Variants in CNTN5 observed in about 807,000 individuals in gnomAD.
The protein encoded by CNTN5 is contactin-5.
In CNTN5, 77 loss-of-function variants were observed where a neutral mutation model predicts 129.1. The ratio of observed to expected loss-of-function variants is 0.60; its 90% confidence interval spans 0.50 to 0.72. CNTN5 has a LOEUF of 0.72. Among genes scored for constraint, CNTN5 ranks in the 30% least tolerant of loss-of-function variants. The pLI, the probability that CNTN5 is intolerant of heterozygous loss-of-function variation, is 0.00. For synonymous variants in CNTN5, 509 were observed against 465.6 expected (o/e 1.09, Z -1.20); for missense variants, 1,478 against 1,328.8 (o/e 1.11, Z -1.75).
At chr11:99,789,647 T>C (rs1945667388) in intron 3 of CNTN5, among the ~76,000 whole-genome samples, 1 of 152,066 alleles carries the variant, frequency 6.6e-6, no homozygotes, top group South Asian at 2.1e-4. Flanking sequence ...TTTTAGAATA[T>C]GTTCTTTCAC....
intron 2 of CNTN5, among the ~76,000 whole-genome samples, chr11:99,546,676 ATGATGG>A (rs1450940290): frequency 6.6e-6 from 1 of 152,122 alleles, no homozygotes; most frequent in Non-Finnish European, 1.5e-5. Flanking sequence ...TTATTTATTT[ATGATGG>A]TGTTTTTAAT....
chr11:99,918,389 T>G (rs903275389), intron 7 of CNTN5, among the ~76,000 whole-genome samples: 1 of 152,170 alleles, frequency 6.6e-6, no homozygotes, highest in African/African-American at 2.4e-5. Context: ...TACAGACTGC[T>G]GTCAATTTAA....
At chr11:99,831,244 G>T (rs1015393507) in intron 4 of CNTN5, among the ~76,000 whole-genome samples, 4 of 152,080 alleles carry the variant, frequency 2.6e-5, no homozygotes, top group African/African-American at 9.7e-5. Flanking sequence ...CCATGCTTCA[G>T]GATTCAGCAA....
chr11:99,638,320 A>C (rs1199342327), intron 3 of CNTN5, among the ~76,000 whole-genome samples: 1 of 152,128 alleles, frequency 6.6e-6, no homozygotes, highest in Non-Finnish European at 1.5e-5. Flanking sequence ...AACATGTGGG[A>C]ATTCTGGGAG....
chr11:99,831,463 G>C (rs1947136675), intron 4 of CNTN5, among the ~76,000 whole-genome samples: 1 of 152,126 alleles, frequency 6.6e-6, no homozygotes, highest in Admixed American at 6.6e-5. Flanking sequence ...GAAGAATTTG[G>C]CCCTTTCTGT....
chr11:99,653,279 G>A (rs932424485), intron 3 of CNTN5, among the ~76,000 whole-genome samples: 3 of 151,874 alleles, frequency 2.0e-5, no homozygotes, highest in Admixed American at 1.3e-4. Flanking sequence ...CAAAATGCAT[G>A]GTACATTTAG....
chr11:99,088,400 G>C (rs1266749446), intron 1 of CNTN5, among the ~76,000 whole-genome samples: 1 of 152,258 alleles, frequency 6.6e-6, no homozygotes, highest in Non-Finnish European at 1.5e-5. Context: ...CTTCGGCCTT[G>C]AGATCAAGGC....
chr11:99,389,555 A>T (rs757298873), intron 2 of CNTN5, among the ~76,000 whole-genome samples: 2 of 152,208 alleles, frequency 1.3e-5, no homozygotes, highest in African/African-American at 2.4e-5. Context: ...CTTTATAGAT[A>T]AGAATCAGCA....
chr11:99,758,408 A>C (rs1208629156), intron 3 of CNTN5, among the ~76,000 whole-genome samples: 3 of 152,098 alleles, frequency 2.0e-5, no homozygotes, highest in Admixed American at 2.0e-4. Flanking sequence ...CATATAAAGC[A>C]TTATTAGGAA....
intron 21 of CNTN5, among the ~76,000 whole-genome samples, chr11:100,329,567 G>A (rs1284167387): frequency 6.6e-5 from 10 of 152,144 alleles, no homozygotes; most frequent in Non-Finnish European, 1.2e-4. Context: ...CCTTCACAGT[G>A]TCCACTTCAC....
intron 3 of CNTN5, among the ~76,000 whole-genome samples, chr11:99,814,257 G>T (rs78480383): frequency 6.6e-6 from 1 of 152,186 alleles, no homozygotes; most frequent in East Asian, 1.9e-4. Context: ...GAGTGTATGC[G>T]TGTACAGGCA....
At chr11:100,021,732 G>C (rs1941161459) in intron 9 of CNTN5, among the ~76,000 whole-genome samples, 1 of 152,174 alleles carries the variant, frequency 6.6e-6, no homozygotes, top group Non-Finnish European at 1.5e-5. Flanking sequence ...AAGTCCCACA[G>C]TAGGCCATCT....
intron 15 of CNTN5, among the ~76,000 whole-genome samples, chr11:100,208,721 A>G (rs1948963465): frequency 6.6e-6 from 1 of 152,144 alleles, no homozygotes; most frequent in Admixed American, 6.5e-5. Flanking sequence ...GAATCCACAG[A>G]AGTCTCATTC....
chr11:100,072,716 A>G (rs1030448681), intron 12 of CNTN5, among the ~76,000 whole-genome samples: 4 of 152,294 alleles, frequency 2.6e-5, no homozygotes, highest in African/African-American at 7.2e-5. Context: ...TACATCCTAA[A>G]GTGATTTGTT....
Position 99,978,425 on chromosome 11 carries a change from T to G in CNTN5, c.877+21416T>G, listed in dbSNP as rs186916632. Among the ~76,000 whole-genome samples, 19 of 152,338 alleles carry G rather than the reference T, an allele frequency of 1.2e-4. No homozygotes were observed. In the East Asian group the frequency reaches 3.5e-3, roughly 28 times the overall value. ...GTACAGTAGTGTCCTAGGCTTCACA[T>G]CCGCTCACCACTCACTCACTGGCTC... On this transcript the variant is annotated intron_variant, in intron 8 of 24. Transcript: ENST00000524871.
chr11:99,446,020 G>T (rs1165588918), intron 2 of CNTN5, among the ~76,000 whole-genome samples: 3 of 150,158 alleles, frequency 2.0e-5, no homozygotes, highest in Non-Finnish European at 4.4e-5. Flanking sequence ...GGAGGCGGAG[G>T]TTGCAGTGAG....
At chr11:100,299,031 C>G in intron 19 of CNTN5, 131 bp from the exon 20 acceptor site, 1 of 583,226 alleles carries the variant, frequency 1.7e-6, no homozygotes, top group Non-Finnish European at 2.9e-6. Context: ...ATTTTGGCTT[C>G]CAATGTAGTA....
intron 8 of CNTN5, among the ~76,000 whole-genome samples, chr11:99,991,415 C>T (rs981065843): frequency 3.3e-5 from 5 of 152,056 alleles, no homozygotes; most frequent in East Asian, 3.9e-4. Context: ...TGCAGTGAGC[C>T]GAGATTGCAC....
At chr11:99,839,271 T>G (rs1002579647) in intron 4 of CNTN5, among the ~76,000 whole-genome samples, 6 of 152,100 alleles carry the variant, frequency 3.9e-5, no homozygotes, top group Non-Finnish European at 8.8e-5. Context: ...CACCAGCCCT[T>G]AAAAGAAATG....
Sources: allele counts gnomAD v4.1 joint callset (sites outside exome capture counted in the v4.1 genomes callset), GRCh38; gene constraint gnomAD v4.1.1; transcripts MANE v1.5; gene names NCBI Gene and HGNC (gene_info 2026-07-23, HGNC 2026-07-21).